DYNLL1: variants seen among roughly 807,000 people sequenced by gnomAD.
DYNLL1 encodes the protein dynein light chain LC8-type 1, also known as dynein light chain 1, cytoplasmic.
A neutral mutation model predicts 10.1 loss-of-function variants in DYNLL1; 3 were observed. The observed-to-expected ratio is 0.30, with a 90% CI of 0.14 to 0.77. The LOEUF is 0.77. Ranked by LOEUF, DYNLL1 falls within the 30% of genes least tolerant of loss-of-function variation. The pLI is 0.66. For synonymous variants in DYNLL1, 46 were observed against 41.2 expected (o/e 1.12, Z -0.45); for missense variants, 47 against 111.7 (o/e 0.42, Z 2.61).
intron 1 of DYNLL1, among the ~76,000 whole-genome samples, chr12:120,473,906 G>A (rs936863343): frequency 2.0e-5 from 3 of 151,922 alleles, no homozygotes; most frequent in Admixed American, 1.3e-4. Flanking sequence ...GGAGGTTGAA[G>A]CTGTAGTTAG....
chr12:120,485,319 C>T (rs1228031286), intron 1 of DYNLL1, among the ~76,000 whole-genome samples: 10 of 133,584 alleles, frequency 7.5e-5, no homozygotes, highest in Non-Finnish European at 3.0e-5. Flanking sequence ...TGCAGTGGCA[C>T]GATCTCGGCT....
rs1042008236 is a variant in DYNLL1 at position 120,485,752 on chromosome 12, G to A, written c.-6-10664G>A. Among the ~76,000 whole-genome samples the A allele has an allele frequency of 2.7e-5, 4 of 149,250 alleles. No homozygotes were observed. The East Asian group carries it at 7.9e-4, about 30-fold the overall frequency. On this transcript the variant is annotated intron_variant, in intron 1 of 2. Transcript: ENST00000392509. Reference sequence around the variant, plus strand: ...GCTACTTGGGAGGGAGGGGCAGTCGGATCCCTTGAGCCTGGGAGTTTGAGG... The same window carrying A: ...GCTACTTGGGAGGGAGGGGCAGTCGAATCCCTTGAGCCTGGGAGTTTGAGG...
chr12:120,476,439 C>T (rs1379001807), intron 1 of DYNLL1, among the ~76,000 whole-genome samples: 1 of 152,166 alleles, frequency 6.6e-6, no homozygotes, highest in African/African-American at 2.4e-5. Context: ...TGGCTCTCCC[C>T]CTCAGCCAGC....
At chr12:120,495,228 C>CTAAT (rs1471419822), upstream of DYNLL1, 2 of 152,182 alleles carry the variant, frequency 1.3e-5, no homozygotes, top group African/African-American at 4.8e-5. Context: ...CTTTTTCGTC[C>CTAAT]ATTAGAATAC....
chr12:120,491,244 A>G (rs1879119899), upstream of DYNLL1: 1 of 152,382 alleles, frequency 6.6e-6, no homozygotes, highest in South Asian at 2.1e-4. Context: ...ACTATTAGCC[A>G]GAAGGGAGGT....
chr12:120,487,594 G>A (rs529837426), intron 1 of DYNLL1, among the ~76,000 whole-genome samples: 7 of 152,220 alleles, frequency 4.6e-5, no homozygotes, highest in East Asian at 3.9e-4. Context: ...GACTGGGCCC[G>A]GAAGAAAGAC....
At chr12:120,487,820 C>A (rs542673862) in intron 1 of DYNLL1, among the ~76,000 whole-genome samples, 2 of 152,286 alleles carry the variant, frequency 1.3e-5, no homozygotes, top group Admixed American at 6.5e-5. Flanking sequence ...CTCAGGCCAG[C>A]TCAGAGGCTC....
chr12:120,485,251 C>CTTTT (rs34043402), intron 1 of DYNLL1, among the ~76,000 whole-genome samples: 7 of 76,846 alleles, frequency 9.1e-5, no homozygotes, highest in Admixed American at 1.6e-4. Flanking sequence ...TTGTAGAAGG[C>CTTTT]TTTTTTTTTT....
At chr12:120,489,587 C>A (rs1209898583) in intron 1 of DYNLL1, among the ~76,000 whole-genome samples, 1 of 152,214 alleles carries the variant, frequency 6.6e-6, no homozygotes, top group African/African-American at 2.4e-5. Flanking sequence ...TCTAACTGCT[C>A]CCACCTCTCT....
intron 1 of DYNLL1, among the ~76,000 whole-genome samples, chr12:120,489,817 A>G (rs1346895409): frequency 1.3e-5 from 2 of 152,144 alleles, no homozygotes; most frequent in African/African-American, 4.8e-5. Context: ...GCGCGATCTC[A>G]GCTCACTGCA....
chr12:120,472,727 C>T (rs1878677004), intron 1 of DYNLL1, among the ~76,000 whole-genome samples: 1 of 152,176 alleles, frequency 6.6e-6, no homozygotes, highest in Admixed American at 6.5e-5. Context: ...TGTGCAATGT[C>T]CTGCAGCATA....
chr12:120,495,181 C>T (rs1308877748), upstream of DYNLL1: 2 of 152,166 alleles, frequency 1.3e-5, no homozygotes, highest in Non-Finnish European at 2.9e-5. Context: ...CGTGTCTCCT[C>T]CCTAAGCCAG....
At chr12:120,476,324 G>A (rs1555220983) in intron 1 of DYNLL1, among the ~76,000 whole-genome samples, 1 of 143,882 alleles carries the variant, frequency 7.0e-6, no homozygotes, top group Non-Finnish European at 1.5e-5. Context: ...TTTTTTTTAA[G>A]TTAAAAAAAA....
intron 1 of DYNLL1, among the ~76,000 whole-genome samples, chr12:120,470,552 G>A (rs958395333): frequency 1.3e-5 from 2 of 152,092 alleles, no homozygotes; most frequent in African/African-American, 4.8e-5. Context: ...CTGCAGTCTC[G>A]ATCTCGCTGG....
At chr12:120,485,448 GT>G (rs1169391497) in intron 1 of DYNLL1, among the ~76,000 whole-genome samples, 4 of 151,602 alleles carry the variant, frequency 2.6e-5, no homozygotes, top group Non-Finnish European at 4.4e-5. Context: ...TAGAGACAGG[GT>G]TTTAACATCT....
At chr12:120,487,424 G>A (rs893192414) in intron 1 of DYNLL1, among the ~76,000 whole-genome samples, 4 of 150,352 alleles carry the variant, frequency 2.7e-5, no homozygotes, top group African/African-American at 9.8e-5. Context: ...AGCCTCCCGA[G>A]TAGCTGGGAC....
intron 2 of DYNLL1, chr12:120,497,871 T>G (rs1868507856): frequency 1.7e-6 from 1 of 577,570 alleles, no homozygotes; most frequent in African/African-American, 1.9e-5. Flanking sequence ...TCAGCCTCCA[T>G]TCCCATCTTC....
chr12:120,474,208 G>T (rs1031262043), intron 1 of DYNLL1, among the ~76,000 whole-genome samples: 1 of 151,792 alleles, frequency 6.6e-6, no homozygotes, highest in Non-Finnish European at 1.5e-5. Context: ...GCTGAGGGGG[G>T]AGAATCACTT....
chr12:120,495,535 T>G (rs374501566), upstream of DYNLL1: 1 of 151,864 alleles, frequency 6.6e-6, no homozygotes, highest in African/African-American at 2.4e-5. Context: ...TGGGGCCCAG[T>G]GCAAAATGAA....
Sources: gnomAD v4.1 joint callset for allele counts (sites outside exome capture counted in the v4.1 genomes callset) on GRCh38, gnomAD v4.1.1 for gene constraint, MANE v1.5 for transcripts, NCBI Gene and HGNC (gene_info 2026-07-23, HGNC 2026-07-21) for gene names.